NKAIN2: variants seen among roughly 807,000 people sequenced by gnomAD.
NKAIN2 encodes sodium/potassium transporting ATPase interacting 2, also known as sodium/potassium-transporting ATPase subunit beta-1-interacting protein 2.
A neutral mutation model predicts 32.6 loss-of-function variants in NKAIN2; 14 were observed. That is an observed-to-expected ratio of 0.43 (90% confidence interval 0.28 to 0.67). NKAIN2 has a LOEUF of 0.67. Among genes scored for constraint, NKAIN2 ranks in the 30% least tolerant of loss-of-function variants. The pLI, the probability that NKAIN2 is intolerant of heterozygous loss-of-function variation, is 0.17. For missense variants in NKAIN2, 198 were observed against 258.3 expected (o/e 0.77, Z 1.60); for synonymous variants, 80 against 87.2 (o/e 0.92, Z 0.46).
chr6:124,179,495 A>G (rs1789330088), intron 1 of NKAIN2, among the ~76,000 whole-genome samples: 1 of 152,238 alleles, frequency 6.6e-6, no homozygotes, highest in South Asian at 2.1e-4. Flanking sequence ...AGCTCTATGC[A>G]TTTCTAATTA....
At chr6:123,889,909 G>T (rs907612818) in intron 1 of NKAIN2, among the ~76,000 whole-genome samples, 1 of 151,992 alleles carries the variant, frequency 6.6e-6, no homozygotes, top group Non-Finnish European at 1.5e-5. Flanking sequence ...TTAATTTGGG[G>T]GTTGGTTTTT....
In NKAIN2 at chr6:123,911,832, C is replaced by T. The variant is rs1160993563; in HGVS notation, c.54+107578C>T. ...ATATATACACACACACACACACACACACACACACACACACACACACACACA... is the reference window on the plus strand; with the variant it reads ...ATATATACACACACACACACACACATACACACACACACACACACACACACA... On this transcript the variant is annotated intron_variant, in intron 1 of 6. Coordinates refer to ENST00000368417, the MANE Select transcript of NKAIN2 (RefSeq NM_001040214.3). Among the ~76,000 whole-genome samples, 19 of 72,786 alleles carry T rather than the reference C, an allele frequency of 2.6e-4. 1 individual carries two copies. Among genetic ancestry groups the T allele is most frequent in the East Asian group, 7.1e-4 (1 of 1,406 alleles). The allele number at this position is 72,786 out of a possible 152,430, so 47.8% of individuals were successfully genotyped here.
At chr6:124,316,441 T>A (rs1796954452) in intron 2 of NKAIN2, among the ~76,000 whole-genome samples, 1 of 152,114 alleles carries the variant, frequency 6.6e-6, no homozygotes, top group Non-Finnish European at 1.5e-5. Context: ...CAGTGTAAAT[T>A]AAGCAAACTG....
chr6:124,652,886 A>C (rs1583586351), intron 3 of NKAIN2, among the ~76,000 whole-genome samples: 1 of 152,306 alleles, frequency 6.6e-6, no homozygotes, highest in East Asian at 1.9e-4. Flanking sequence ...TCACTTCCCA[A>C]CACTATTGCT....
chr6:124,591,571 A>G (rs532504179), intron 3 of NKAIN2, among the ~76,000 whole-genome samples: 12 of 152,206 alleles, frequency 7.9e-5, no homozygotes, highest in African/African-American at 2.9e-4. Context: ...ACTGCAAAAA[A>G]ATAATTTTTT....
At position 124,813,384 on chromosome 6, in the gene NKAIN2, A is replaced by C. The variant is rs189813490; in HGVS notation, c.536-5003A>C. Among the ~76,000 whole-genome samples the C allele has an allele frequency of 1.1e-3, 167 of 152,296 alleles. 2 individuals carry two copies. The highest frequency in any genetic ancestry group is 0.011 in the Admixed American group (163 of 15,286). On this transcript the variant is annotated intron_variant, in intron 5 of 6. Coordinates refer to ENST00000368417, the MANE Select transcript of NKAIN2 (RefSeq NM_001040214.3). ...TTTTCTAGAAAGAACAGAGTAAAAG[A>C]TGCTGGAGAACAAATAACAGAAGGA...
intron 1 of NKAIN2, among the ~76,000 whole-genome samples, chr6:124,112,840 G>A (rs1785445140): frequency 6.6e-6 from 1 of 151,246 alleles, no homozygotes; most frequent in Admixed American, 6.6e-5. Context: ...GCTTGATCTA[G>A]TCTGCTGCTG....
chr6:124,417,205 C>A (rs1583220054), intron 3 of NKAIN2, among the ~76,000 whole-genome samples: 1 of 152,064 alleles, frequency 6.6e-6, no homozygotes, highest in Non-Finnish European at 1.5e-5. Context: ...CTTTAACAAG[C>A]AATTACGGAC....
intron 1 of NKAIN2, among the ~76,000 whole-genome samples, chr6:123,934,478 G>T (rs907743727): frequency 6.6e-6 from 1 of 152,228 alleles, no homozygotes; most frequent in East Asian, 1.9e-4. Context: ...ATAGGACTTA[G>T]GTTCTAGCCA....
At chr6:124,251,277 C>T (rs928798288) in intron 1 of NKAIN2, among the ~76,000 whole-genome samples, 4 of 151,830 alleles carry the variant, frequency 2.6e-5, no homozygotes, top group African/African-American at 9.7e-5. Flanking sequence ...TATAAGGAGA[C>T]AGATTGAAAA....
chr6:124,148,531 A>AT (rs1470187320), intron 1 of NKAIN2, among the ~76,000 whole-genome samples: 1 of 151,514 alleles, frequency 6.6e-6, no homozygotes, highest in Non-Finnish European at 1.5e-5. Context: ...TTTTTTGACT[A>AT]TTTTTTCTTC....
At chr6:124,717,426 G>C (rs1775804628) in intron 4 of NKAIN2, among the ~76,000 whole-genome samples, 2 of 152,262 alleles carry the variant, frequency 1.3e-5, no homozygotes, top group African/African-American at 4.8e-5. Flanking sequence ...ATCAATGGTT[G>C]AATCCCAGTG....
At chr6:123,987,629 G>C (rs1779201383) in intron 1 of NKAIN2, among the ~76,000 whole-genome samples, 1 of 152,156 alleles carries the variant, frequency 6.6e-6, no homozygotes. Context: ...CCTTGCATTT[G>C]TAAGTCTAAG....
At chr6:124,804,042 A>C (rs992259273) in intron 5 of NKAIN2, among the ~76,000 whole-genome samples, 3 of 152,168 alleles carry the variant, frequency 2.0e-5, no homozygotes, top group Non-Finnish European at 4.4e-5. Context: ...AGCAATTGTG[A>C]CCTGATTATA....
At chr6:123,856,842 C>A (rs567543161) in intron 1 of NKAIN2, among the ~76,000 whole-genome samples, 1 of 152,252 alleles carries the variant, frequency 6.6e-6, no homozygotes, top group East Asian at 1.9e-4. Flanking sequence ...TCTTTTAATA[C>A]CTTCCTCTCC....
intron 3 of NKAIN2, among the ~76,000 whole-genome samples, chr6:124,405,299 A>G (rs1291913028): frequency 6.6e-6 from 1 of 152,194 alleles, no homozygotes; most frequent in Admixed American, 6.5e-5. Flanking sequence ...GAAAACAAGA[A>G]AAGTTTTTGC....
chr6:124,577,373 T>A (rs1781372115), intron 3 of NKAIN2, among the ~76,000 whole-genome samples: 1 of 152,026 alleles, frequency 6.6e-6, no homozygotes, highest in Admixed American at 6.6e-5. Context: ...CTGCATAGTG[T>A]GGAGCAAGAA....
intron 1 of NKAIN2, among the ~76,000 whole-genome samples, chr6:124,234,902 T>C (rs535464570): frequency 6.6e-6 from 1 of 152,308 alleles, no homozygotes; most frequent in Admixed American, 6.5e-5. Context: ...ATAAGTTTCA[T>C]TAACTTCAAG....
intron 4 of NKAIN2, among the ~76,000 whole-genome samples, chr6:124,661,776 C>T (rs1784754240): frequency 6.6e-6 from 1 of 151,734 alleles, no homozygotes; most frequent in African/African-American, 2.4e-5. Context: ...TTAATAAAAC[C>T]AAAAATTAAA....
Sources: allele counts gnomAD v4.1 joint callset (sites outside exome capture counted in the v4.1 genomes callset), GRCh38; gene constraint gnomAD v4.1.1; transcripts MANE v1.5; gene names NCBI Gene and HGNC (gene_info 2026-07-23, HGNC 2026-07-21).